Variants in MGAT4C observed in about 807,000 individuals in gnomAD.
The protein encoded by MGAT4C is alpha-1,3-mannosyl-glycoprotein 4-beta-N-acetylglucosaminyltransferase C.
A neutral mutation model predicts 40.1 loss-of-function variants in MGAT4C; 19 were observed. That is an observed-to-expected ratio of 0.47 (90% CI 0.33 to 0.70). The LOEUF (loss-of-function observed/expected upper bound fraction) is 0.70, where lower values mean the gene tolerates loss of function less well. Ranked by LOEUF, MGAT4C falls within the 30% of genes least tolerant of loss-of-function variation. The pLI, the probability that MGAT4C is intolerant of heterozygous loss-of-function variation, is 0.02. For missense variants in MGAT4C, 491 were observed against 563.2 expected (o/e 0.87, Z 1.30); for synonymous variants, 181 against 187.1 (o/e 0.97, Z 0.27).
intron 1 of MGAT4C, among the ~76,000 whole-genome samples, chr12:86,065,362 T>C (rs10863159): frequency 0.57 from 86,595 of 152,010 alleles, 25,322 homozygotes; most frequent in East Asian, 0.93. Flanking sequence ...TTATCCACCA[T>C]CATGAAGTTG....
chr12:86,506,173 T>C (rs2136341196), intron 2 of MGAT4C, among the ~76,000 whole-genome samples: 1 of 152,300 alleles, frequency 6.6e-6, no homozygotes, highest in Non-Finnish European at 1.5e-5. Flanking sequence ...TCACAGTTGC[T>C]ACGATGTGAT....
chr12:86,614,864 T>A (rs975554110), intron 2 of MGAT4C, among the ~76,000 whole-genome samples: 5 of 151,948 alleles, frequency 3.3e-5, no homozygotes, highest in Admixed American at 2.6e-4. Flanking sequence ...ACACTTTTCT[T>A]AGAAAATTTC....
chr12:86,625,117 A>T (rs868462518), intron 2 of MGAT4C, among the ~76,000 whole-genome samples: 5 of 151,982 alleles, frequency 3.3e-5, no homozygotes, highest in South Asian at 4.1e-4. Flanking sequence ...GGCTATTCAT[A>T]AGTGGCTCTT....
At chr12:86,387,651 C>T (rs1956079138) in intron 3 of MGAT4C, among the ~76,000 whole-genome samples, 1 of 151,470 alleles carries the variant, frequency 6.6e-6, no homozygotes, top group South Asian at 2.1e-4. Flanking sequence ...CTAGAATGTG[C>T]AATAAAATGG....
intron 2 of MGAT4C, among the ~76,000 whole-genome samples, chr12:86,559,806 A>G (rs560444542): frequency 9.2e-5 from 14 of 152,024 alleles, no homozygotes; most frequent in Non-Finnish European, 1.6e-4. Context: ...ATATCAGAGC[A>G]AAACTAAATT....
chr12:86,153,629 A>T (rs1054820262), intron 1 of MGAT4C, among the ~76,000 whole-genome samples: 1 of 152,176 alleles, frequency 6.6e-6, no homozygotes, highest in Non-Finnish European at 1.5e-5. Flanking sequence ...AGGGAGGTTT[A>T]CCCCATGCTG....
chr12:86,267,667 G>T (rs1305760030), intron 4 of MGAT4C, among the ~76,000 whole-genome samples: 1 of 152,088 alleles, frequency 6.6e-6, no homozygotes, highest in Non-Finnish European at 1.5e-5. Context: ...AAAGAGAATG[G>T]AACGTTATAA....
chr12:86,340,459 C>A (rs779171304), intron 3 of MGAT4C, among the ~76,000 whole-genome samples: 1 of 151,700 alleles, frequency 6.6e-6, no homozygotes, highest in South Asian at 2.1e-4. Context: ...AAGAAACTAA[C>A]AAAGAAAGGC....
intron 1 of MGAT4C, among the ~76,000 whole-genome samples, chr12:86,731,918 G>A (rs1014184251): frequency 6.6e-6 from 1 of 152,086 alleles, no homozygotes; most frequent in Non-Finnish European, 1.5e-5. Context: ...AGCACTAGAA[G>A]TCAAGATAGG....
intron 1 of MGAT4C, among the ~76,000 whole-genome samples, chr12:86,837,923 C>G (rs986824013): frequency 6.6e-6 from 1 of 152,110 alleles, no homozygotes; most frequent in African/African-American, 2.4e-5. Flanking sequence ...CCCATTTTAT[C>G]GGTTCTGTTG....
chr12:86,811,977 T>C lies in MGAT4C; in HGVS notation c.-262+26689A>G, dbSNP rs988646083. ...TATACATTTTTCTCTCAGCATTGCTTTAGCTGCATCTCTTGCATTTTTGTA... is the reference window on the plus strand; with the variant it reads ...TATACATTTTTCTCTCAGCATTGCTCTAGCTGCATCTCTTGCATTTTTGTA... On this transcript the variant is annotated intron_variant, in intron 1 of 7. Coordinates refer to the MGAT4C transcript ENST00000548651. Among the ~76,000 whole-genome samples the C allele has an allele frequency of 3.3e-5, 5 of 152,386 alleles. No homozygotes were observed. In the Middle Eastern group the frequency reaches 0.01, roughly 311 times the overall value.
In MGAT4C at chr12:86,696,374, A is replaced by G. The variant is rs1950258933; in HGVS notation, c.-229+30835T>C. ...TACCCACAAAAATTAAAAACTAAAAAAAAGTGGTTAGTCAAAAGATGAGAA... is the reference window on the plus strand; with the variant it reads ...TACCCACAAAAATTAAAAACTAAAAGAAAGTGGTTAGTCAAAAGATGAGAA... On this transcript the variant is annotated intron_variant, in intron 2 of 7. Transcript: ENST00000548651. 2.6e-5 allele frequency among the ~76,000 whole-genome samples: 4 copies of G among 152,210 alleles called. No homozygotes were observed. The South Asian group carries it at 8.3e-4, about 32-fold the overall frequency.
chr12:86,063,720 T>C (rs1007025301), intron 1 of MGAT4C, among the ~76,000 whole-genome samples: 2 of 152,122 alleles, frequency 1.3e-5, no homozygotes, highest in African/African-American at 4.8e-5. Context: ...ACTAAGTAAA[T>C]GGAAAGCAAA....
intron 1 of MGAT4C, among the ~76,000 whole-genome samples, chr12:86,212,922 G>A (rs4992298): frequency 0.68 from 56,587 of 83,746 alleles, 19,030 homozygotes; most frequent in South Asian, 0.78. Flanking sequence ...AAAAAAAAAA[G>A]AACACTCATT....
At chr12:86,284,145 G>A (rs1369605518) in intron 4 of MGAT4C, among the ~76,000 whole-genome samples, 2 of 151,976 alleles carry the variant, frequency 1.3e-5, no homozygotes, top group African/African-American at 4.8e-5. Context: ...ACTATCCAGG[G>A]TTGGGAAATA....
At chr12:86,670,222 C>A (rs1362422533) in intron 2 of MGAT4C, among the ~76,000 whole-genome samples, 1 of 151,802 alleles carries the variant, frequency 6.6e-6, no homozygotes, top group African/African-American at 2.4e-5. Context: ...AATGGAAAAT[C>A]AGAAATGAAA....
At chr12:86,440,570 T>C (rs562563019) in intron 2 of MGAT4C, among the ~76,000 whole-genome samples, 1 of 152,086 alleles carries the variant, frequency 6.6e-6, no homozygotes, top group East Asian at 1.9e-4. Flanking sequence ...ACTGGAAGAA[T>C]ACAGGGATGC....
At chr12:86,174,030 C>CAGTATTT (rs1887129126) in intron 1 of MGAT4C, among the ~76,000 whole-genome samples, 1 of 151,810 alleles carries the variant, frequency 6.6e-6, no homozygotes, top group African/African-American at 2.4e-5. Context: ...GCCAGTAGCA[C>CAGTATTT]AGTATTTAGT....
intron 1 of MGAT4C, among the ~76,000 whole-genome samples, chr12:86,211,941 G>A (rs185553974): frequency 6.6e-6 from 1 of 152,130 alleles, no homozygotes; most frequent in Non-Finnish European, 1.5e-5. Flanking sequence ...CTTTAATTTT[G>A]GAGCTGCTGG....
Sources: allele counts gnomAD v4.1 joint callset (sites outside exome capture counted in the v4.1 genomes callset), GRCh38; gene constraint gnomAD v4.1.1; transcripts MANE v1.5; gene names NCBI Gene and HGNC (gene_info 2026-07-23, HGNC 2026-07-21).